Variants in PPA2 observed in about 807,000 individuals in gnomAD.
PPA2 encodes the protein inorganic pyrophosphatase 2, mitochondrial.
PPA2 carries 48 observed loss-of-function variants against 49.5 expected under a neutral mutation model. The ratio of observed to expected loss-of-function variants is 0.97; its 90% CI spans 0.77 to 1.23. The LOEUF is 1.23. PPA2 is among the 50% of genes most tolerant of loss of function. The pLI, the probability that PPA2 is intolerant of heterozygous loss-of-function variation, is 0.00. For missense variants in PPA2, 429 were observed against 410.1 expected (o/e 1.05, Z -0.40); for synonymous variants, 131 against 139.9 (o/e 0.94, Z 0.45).
At chr4:105,417,936 G>A (rs1723085158) in intron 7 of PPA2, among the ~76,000 whole-genome samples, 1 of 152,132 alleles carries the variant, frequency 6.6e-6, no homozygotes, top group African/African-American at 2.4e-5. Flanking sequence ...TGGAATGACT[G>A]GCCATATGAT....
At chr4:105,455,267 G>T (rs575909349) in intron 2 of PPA2, among the ~76,000 whole-genome samples, 1 of 152,280 alleles carries the variant, frequency 6.6e-6, no homozygotes, top group East Asian at 1.9e-4. Context: ...AGATATTTAG[G>T]TTTGAAAGTT....
chr4:105,385,363 C>T (rs1313413014), intron 10 of PPA2, among the ~76,000 whole-genome samples: 2 of 151,590 alleles, frequency 1.3e-5, no homozygotes, highest in Non-Finnish European at 1.5e-5. Context: ...ATTCCCAGAA[C>T]CTATATCTTA....
At chr4:105,390,958 G>C (rs1340488112) in intron 9 of PPA2, among the ~76,000 whole-genome samples, 1 of 152,066 alleles carries the variant, frequency 6.6e-6, no homozygotes, top group Non-Finnish European at 1.5e-5. Flanking sequence ...GTGATGGACT[G>C]GATAAAGAAG....
At chr4:105,431,579 T>C (rs922822950) in intron 6 of PPA2, among the ~76,000 whole-genome samples, 1 of 152,166 alleles carries the variant, frequency 6.6e-6, no homozygotes, top group African/African-American at 2.4e-5. Flanking sequence ...AGCAATTCCA[T>C]TCCTAGGTGA....
Position 105,438,235 on chromosome 4 carries a change from C to T in PPA2, c.442-199G>A, listed in dbSNP as rs7659961. Among the ~76,000 whole-genome samples the T allele has an allele frequency of 4.6e-3, 706 of 152,316 alleles. 9 individuals carry two copies. Among genetic ancestry groups the T allele is most frequent in the African/African-American group, 0.016 (667 of 41,558 alleles). ...TAAAACAGATTTATAGTATTTCCTC[C>T]ATCTCTCAGTTGCTGGTATAATTGC... On this transcript the variant is annotated intron_variant, in intron 5 of 11. Coordinates refer to ENST00000341695, the MANE Select transcript of PPA2 (RefSeq NM_176869.3).
intron 6 of PPA2, among the ~76,000 whole-genome samples, chr4:105,432,217 A>G (rs1451254838): frequency 6.6e-6 from 1 of 152,240 alleles, no homozygotes; most frequent in Non-Finnish European, 1.5e-5. Context: ...AAACTATGTT[A>G]TCATTAAGTG....
intron 5 of PPA2, among the ~76,000 whole-genome samples, chr4:105,442,374 T>G (rs893422738): frequency 1.3e-5 from 2 of 152,154 alleles, no homozygotes; most frequent in South Asian, 2.1e-4. Flanking sequence ...CTAGAGAGAT[T>G]TAGTCACTTG....
chr4:105,423,821 CAA>C (rs1411391557), intron 7 of PPA2, among the ~76,000 whole-genome samples: 1 of 152,050 alleles, frequency 6.6e-6, no homozygotes, highest in African/African-American at 2.4e-5. Context: ...GTCATATGAA[CAA>C]AAGAGATTTC....
chr4:105,391,080 C>T (rs1247617734), intron 9 of PPA2, among the ~76,000 whole-genome samples: 2 of 151,964 alleles, frequency 1.3e-5, no homozygotes, highest in Non-Finnish European at 1.5e-5. Flanking sequence ...CAAACTAATG[C>T]AGGAGCAGAA....
At chr4:105,386,432 A>G in intron 10 of PPA2, 135 bp downstream of exon 10, 1 of 643,378 alleles carries the variant, frequency 1.6e-6, no homozygotes, top group Non-Finnish European at 2.4e-6. Context: ...ACAGAAATAG[A>G]TTTCAAGGTG....
chr4:105,461,659 T>C (rs1723097370), intron 1 of PPA2, among the ~76,000 whole-genome samples: 1 of 152,230 alleles, frequency 6.6e-6, no homozygotes, highest in Non-Finnish European at 1.5e-5. Context: ...GGAGACCCAT[T>C]CAGTCAACTG....
intron 8 of PPA2, among the ~76,000 whole-genome samples, chr4:105,397,627 A>T (rs2110392774): frequency 6.6e-6 from 1 of 152,220 alleles, no homozygotes; most frequent in South Asian, 2.1e-4. Context: ...GTGAGGCCTA[A>T]TGGGAGGTGT....
chr4:105,403,785 G>A (rs72668224), intron 7 of PPA2, among the ~76,000 whole-genome samples: 15 of 151,976 alleles, frequency 9.9e-5, no homozygotes, highest in Non-Finnish European at 1.9e-4. Context: ...TAAGAGAAAC[G>A]TTTATGACTT....
At position 105,428,457 on chromosome 4, in the gene PPA2, C is replaced by G. The variant is rs566006095; in HGVS notation, c.529-4135G>C. Among the ~76,000 whole-genome samples the G allele has an allele frequency of 4.5e-4, 69 of 151,782 alleles. No homozygotes were observed. In the South Asian group the frequency reaches 5.4e-3, roughly 12 times the overall value. On this transcript the variant is annotated intron_variant, in intron 6 of 11. Transcript: ENST00000341695. ...AGTGTGCTGTATTCAGAAGACCCAT[C>G]TCACGTGCAGAGACACAGATAGGCT...
chr4:105,431,201 T>C (rs7673368), intron 6 of PPA2, among the ~76,000 whole-genome samples: 51,686 of 152,116 alleles, frequency 0.34, 10,525 homozygotes, highest in East Asian at 0.67. Context: ...TCAAAAATCA[T>C]CAATTTGTGT....
At chr4:105,375,326 A>T (rs563387247) in intron 10 of PPA2, among the ~76,000 whole-genome samples, 10 of 151,898 alleles carry the variant, frequency 6.6e-5, no homozygotes, top group South Asian at 2.1e-4. Context: ...AACTAAAATA[A>T]TGTCTTTTCT....
chr4:105,373,739 T>C (rs1023255194), intron 10 of PPA2, among the ~76,000 whole-genome samples: 1 of 146,732 alleles, frequency 6.8e-6, no homozygotes, highest in Non-Finnish European at 1.5e-5. Context: ...ATTCAGAATA[T>C]ACAAAGCCAT....
intron 6 of PPA2, 58 bp from the exon 7 acceptor site, chr4:105,424,380 C>T: frequency 3.5e-6 from 5 of 1,417,460 alleles, no homozygotes; most frequent in South Asian, 1.4e-5. Flanking sequence ...ACTCACATAT[C>T]ACAAAATCCA....
In PPA2 at chr4:105,369,646, T is replaced by C. The variant is rs1732942669; in HGVS notation, c.*79A>G. On this transcript the variant is annotated 3_prime_UTR_variant, in exon 12 of 12. Coordinates refer to ENST00000341695, the MANE Select transcript of PPA2 (RefSeq NM_176869.3). The stretch of plus-strand genomic sequence containing the variant: ...GAAGTTTTAACAGGAAGTCAGTAAA[T>C]GCTCATAGACCCCCTTGTCTCTAGC... 5 of 1,382,846 alleles carry C rather than the reference T, an allele frequency of 3.6e-6. No individual in the cohort carries two copies. The highest frequency in any genetic ancestry group is 5.1e-6 in the Non-Finnish European group (5 of 973,716). 85.7% of individuals were successfully genotyped at this position (1,382,846 alleles called of 1,614,324 possible).
Sources: gnomAD v4.1 joint callset for allele counts (sites outside exome capture counted in the v4.1 genomes callset) on GRCh38, gnomAD v4.1.1 for gene constraint, MANE v1.5 for transcripts, NCBI Gene and HGNC (gene_info 2026-07-23, HGNC 2026-07-21) for gene names.